The following ADCY6 variants were observed in gnomAD, a reference collection of about 807,000 sequenced individuals.
ADCY6 encodes adenylate cyclase 6, also known as adenylate cyclase type 6.
A neutral mutation model predicts 111.6 loss-of-function variants in ADCY6; 59 were observed. The ratio of observed to expected loss-of-function variants is 0.53; its 90% CI spans 0.43 to 0.66. ADCY6 has a LOEUF of 0.66. ADCY6 is among the 30% of genes least tolerant of loss of function. ADCY6 has a pLI of 0.00. For missense variants in ADCY6, 1,242 were observed against 1,595.6 expected (o/e 0.78, Z 3.78); for synonymous variants, 576 against 642.9 (o/e 0.90, Z 1.57).
At position 48,768,932 on chromosome 12, in the gene ADCY6, C is replaced by A; in HGVS notation, c.3381+5G>T. On this transcript the variant is annotated splice_donor_5th_base_variant and intron_variant, in intron 21 of 21. Coordinates refer to ENST00000357869, the MANE Select transcript of ADCY6 (RefSeq NM_015270.5). ...CCTCCCAGCCCCTGCTCATATCCCC[C>A]TCACCTGGATTCGGTCGGGGACCCC... The A allele has an allele frequency of 6.2e-7, 1 of 1,606,122 alleles. No individual in the cohort carries two copies. Among genetic ancestry groups the A allele is most frequent in the African/African-American group, 1.3e-5 (1 of 74,844 alleles).
chr12:48,778,844 T>C (rs1223597644), intron 2 of ADCY6, among the ~76,000 whole-genome samples: 1 of 151,338 alleles, frequency 6.6e-6, no homozygotes, highest in Non-Finnish European at 1.5e-5. Context: ...CAGGATTCTG[T>C]AGGTGTCTTC....
Position 48,770,946 on chromosome 12 carries a change from G to A in ADCY6, c.3076C>T (p.Gln1026Ter). 1 of 1,614,106 alleles carries A rather than the reference G, an allele frequency of 6.2e-7. No individual in the cohort carries two copies. Among genetic ancestry groups the A allele is most frequent in the Non-Finnish European group, 8.5e-7 (1 of 1,180,038 alleles). The stretch of plus-strand genomic sequence containing the variant: ...CCAATCGTCTTGATCTTTTCCAGCT[G>A]CCGGAACCGCTCCTCGCTGATAATC... ...DEIISEERFR[Q>*]LEKIKTIGST... The change falls in exon 20 of 22, where the codon CAG (glutamine) becomes TAG (stop). Residue 1026 changes from glutamine (Q) to a stop codon, truncating the protein, a stop_gained. Transcript: ENST00000357869. LOFTEE classifies it high-confidence loss of function.
chr12:48,778,184 G>C lies in ADCY6; in HGVS notation c.938C>G (p.Ser313Cys). 6.2e-7 allele frequency: 1 copy of C among 1,614,188 alleles called. No homozygotes were observed. The highest frequency in any genetic ancestry group is 1.1e-5 in the South Asian group (1 of 91,084). ...GICTHYPAEV[S>C]QRQAFQETRG... is the part of the protein sequence containing the mutation. ...GGTCTCCTGAAAGGCCTGGCGCTGA[G>C]ACACCTCTGCTGGATAGTGTGTGCA... Residue 313 changes from serine to cysteine, a missense_variant, in exon 3 of 22, where the codon TCT (serine) becomes TGT (cysteine). Ser to Cys is a moderately radical substitution (Grantham distance 112). Transcript: ENST00000357869.
At chr12:48,769,244 C>CAA in intron 20 of ADCY6, among the ~76,000 whole-genome samples, 183 bp from the exon 21 acceptor site, 1 of 146,490 alleles carries the variant, frequency 6.8e-6, no homozygotes, top group South Asian at 2.2e-4. Context: ...CCTATCTTTA[C>CAA]AAAAAAAAAA....
rs758846729 is a variant in ADCY6 at position 48,783,370 on chromosome 12, C to T, written c.65G>A (p.Arg22His). 3 of 1,614,222 alleles carry T rather than the reference C, an allele frequency of 1.9e-6. No homozygotes were observed. The highest frequency in any genetic ancestry group is 1.3e-5 in the African/African-American group (1 of 75,064). The change falls in exon 2 of 22, where the codon CGC becomes CAC. Residue 22 changes from arginine to histidine, a missense_variant. Arg to His is a conservative substitution (Grantham distance 29). Around this residue, in one of 4 missense-constraint regions of ADCY6, gnomAD observed 362 missense variants for 377.2 expected, o/e 0.96. Coordinates refer to ENST00000357869, the MANE Select transcript of ADCY6 (RefSeq NM_015270.5). The part of the protein sequence containing the change: ...VDERKTAWGE[R>H]NGQKRSRRRG... ...GCGCCGCGAACGCTTCTGCCCATTG[C>T]GTTCACCCCAGGCTGTTTTCCGTTC...
At chr12:48,775,765 C>T (rs1941680930) in intron 9 of ADCY6, 67 bp from the exon 10 acceptor site, 1 of 1,572,810 alleles carries the variant, frequency 6.4e-7, no homozygotes, top group South Asian at 1.1e-5. Flanking sequence ...CAGCTCCTTC[C>T]CCCACCCCAA....
chr12:48,775,181 C>A (rs1194483450), intron 11 of ADCY6, 122 bp downstream of exon 11: 6 of 1,492,986 alleles, frequency 4.0e-6, no homozygotes, highest in South Asian at 1.2e-5. Context: ...GAAATCCTCA[C>A]CCTGCTCTGT....
At position 48,782,263 on chromosome 12, in the gene ADCY6, C is replaced by T. The variant is rs1419112899; in HGVS notation, c.864+308G>A. Among the ~76,000 whole-genome samples the T allele has an allele frequency of 6.6e-6, 1 of 152,166 alleles. No individual in the cohort carries two copies. The highest frequency in any genetic ancestry group is 1.5e-5 in the Non-Finnish European group (1 of 68,018). On this transcript the variant is annotated intron_variant, in intron 2 of 21. Transcript: ENST00000357869. The surrounding 1 kb of genome is among the most constrained non-coding windows in gnomAD (Gnocchi z 4.3). ...CCCTGCCTCCAGCCCCACATTCTGT[C>T]TCTACAGACTGCACTATTTCAGCGG...
chr12:48,770,747 A>G lies in ADCY6; in HGVS notation c.3256+19T>C, dbSNP rs775685389. On this transcript the variant is annotated intron_variant, in intron 20 of 21. Coordinates refer to ENST00000357869, the MANE Select transcript of ADCY6 (RefSeq NM_015270.5). ...GAAAAAGTCCTGGGAAAACCCGCCAAGCAACAAAGCCCTCTTACCAATCTT... is the reference window on the plus strand; with the variant it reads ...GAAAAAGTCCTGGGAAAACCCGCCAGGCAACAAAGCCCTCTTACCAATCTT... The G allele has an allele frequency of 3.1e-6, 5 of 1,609,678 alleles. No individual in the cohort carries two copies. The Admixed American group carries it at 5.0e-5, about 16-fold the overall frequency.
At position 48,768,156 on chromosome 12, in the gene ADCY6, TTTGTACAAAATA is replaced by T. The variant is rs1285195733; in HGVS notation, c.*423_*434del. The stretch of plus-strand genomic sequence containing the variant: ...GGAATAGGCACTCCTCATGCCTGTC[TTTGTACAAAATA>T]TTGTACAAAATATTCCCAGGAAAAA... On this transcript the variant is annotated 3_prime_UTR_variant, in exon 22 of 22. Coordinates refer to ENST00000357869, the MANE Select transcript of ADCY6 (RefSeq NM_015270.5). 2 of 253,262 alleles carry T rather than the reference TTTGTACAAAATA, an allele frequency of 7.9e-6. No individual in the cohort carries two copies. The highest frequency in any genetic ancestry group is 1.6e-5 in the Non-Finnish European group (2 of 128,946). The allele number at this position is 253,262 out of a possible 1,614,324, so 15.7% of individuals were successfully genotyped here.
chr12:48,776,525 C>T lies in ADCY6; in HGVS notation c.1438G>A (p.Val480Met), dbSNP rs1210399885. ...CGCAAGCCAAGGACGCCGCAGTGCA[C>T]GCGCCCGCTGTGGATGCCCACGCGC... is the stretch of plus-strand genomic sequence containing the variant. ...NMRVGIHSGRVHCGVLGLRKW... is the reference protein window; with the variant it reads ...NMRVGIHSGRMHCGVLGLRKW... The change falls in exon 7 of 22, where the codon GTG (valine) becomes ATG (methionine). Residue 480 changes from valine to methionine, a missense_variant. Physicochemically the swap from Val to Met is conservative, Grantham distance 21 (BLOSUM62 1). This residue lies in a region of ADCY6 where 260 missense variants were observed against 414.6 expected (regional missense o/e 0.63). Coordinates refer to ENST00000357869, the MANE Select transcript of ADCY6 (RefSeq NM_015270.5). This position sits in a 1 kb window ranked among gnomAD's most constrained non-coding sequence, Gnocchi z 6.1. The T allele has an allele frequency of 4.3e-6, 7 of 1,613,910 alleles. No individual in the cohort carries two copies. The highest frequency in any genetic ancestry group is 1.7e-5 in the Admixed American group (1 of 60,020).
chr12:48,784,540 G>C (rs73296137), intron 1 of ADCY6, among the ~76,000 whole-genome samples: 2,773 of 151,976 alleles, frequency 0.018, 82 homozygotes, highest in African/African-American at 0.062. Context: ...TTCAGAACTG[G>C]GAGGAAAAGA....
intron 13 of ADCY6, 63 bp from the exon 14 acceptor site, chr12:48,774,581 G>C (rs115470130): frequency 3.2e-6 from 5 of 1,577,820 alleles, no homozygotes. Context: ...GGCAACCAGG[G>C]ATGGGGCCCA....
chr12:48,773,292 C>T (rs1314958439), intron 16 of ADCY6, among the ~76,000 whole-genome samples, 177 bp downstream of exon 16: 4 of 151,950 alleles, frequency 2.6e-5, no homozygotes, highest in Non-Finnish European at 5.9e-5. Context: ...ACTAGGGTTT[C>T]CTTGGGGGTA....
Position 48,783,325 on chromosome 12 carries a change from C to T in ADCY6, c.110G>A (p.Gly37Asp), listed in dbSNP as rs1941905622. The change falls in exon 2 of 22, where the codon GGC (glycine) becomes GAC (aspartate). Residue 37 changes from glycine to aspartate, a missense_variant. By Grantham distance (94) the Gly-to-Asp change is moderately conservative. Transcript: ENST00000357869. ...GCTCATATAGCGGGGCGTGCAGAAG[C>T]CACCTGCCCGAGTGCCACGGCGCCG... ...RSRRRGTRAG[G>D]FCTPRYMSCL... The T allele has an allele frequency of 2.5e-6, 4 of 1,613,792 alleles. No individual in the cohort carries two copies. The highest frequency in any genetic ancestry group is 3.4e-6 in the Non-Finnish European group (4 of 1,179,966).
Position 48,773,572 on chromosome 12 carries a change from C to T in ADCY6, c.2518G>A (p.Ala840Thr). 6.2e-7 allele frequency: 1 copy of T among 1,614,108 alleles called. No individual in the cohort carries two copies. Among genetic ancestry groups the T allele is most frequent in the Non-Finnish European group, 8.5e-7 (1 of 1,180,002 alleles). ...FLHISSIGKL[A>T]MIFVLGLIYL... Reference sequence around the variant, plus strand: ...ATGAGCCCCAAGACAAAGATCATGGCCAACTTCCCGATGCTGCTGATGTGC... The same window carrying T: ...ATGAGCCCCAAGACAAAGATCATGGTCAACTTCCCGATGCTGCTGATGTGC... The change falls in exon 16 of 22, where the codon GCC becomes ACC. Residue 840 changes from alanine to threonine, a missense_variant. Physicochemically the swap from Ala to Thr is moderately conservative, Grantham distance 58. Transcript: ENST00000357869.
intron 2 of ADCY6, among the ~76,000 whole-genome samples, chr12:48,781,068 C>CAT (rs1565650249): frequency 1.3e-5 from 2 of 151,890 alleles, no homozygotes; most frequent in African/African-American, 4.8e-5. Context: ...CATGGTGGCG[C>CAT]GCTCCTGTAG....
chr12:48,778,087 G>C (rs1479479482), intron 3 of ADCY6, 21 bp downstream of exon 3: 1 of 1,595,650 alleles, frequency 6.3e-7, no homozygotes. Flanking sequence ...GGCAGGCCCT[G>C]GTCACGGGGA....
chr12:48,772,530 C>T lies in ADCY6; in HGVS notation c.2635G>A (p.Glu879Lys), dbSNP rs1941578962. 6.2e-7 allele frequency: 1 copy of T among 1,614,088 alleles called. No homozygotes were observed. Among genetic ancestry groups the T allele is most frequent in the African/African-American group, 1.3e-5 (1 of 74,944 alleles). ...LGVHGLASSN[E>K]TFDGLDCPAA... Reference sequence around the variant, plus strand: ...TACCAGTCCAGCCCATCAAAGGTCTCATTGGAAGAAGCCCTGGTAAGAAGA... The same window carrying T: ...TACCAGTCCAGCCCATCAAAGGTCTTATTGGAAGAAGCCCTGGTAAGAAGA... Residue 879 changes from glutamate (E) to lysine (K), a missense_variant, in exon 17 of 22, where the codon GAG (glutamate) becomes AAG (lysine). Coordinates refer to ENST00000357869, the MANE Select transcript of ADCY6 (RefSeq NM_015270.5).
Sources: allele counts gnomAD v4.1 joint callset (sites outside exome capture counted in the v4.1 genomes callset), GRCh38; gene constraint gnomAD v4.1.1; regional missense constraint gnomAD v4.1.1; non-coding constraint Gnocchi (gnomAD v3.1); transcripts MANE v1.5; gene names NCBI Gene and HGNC (gene_info 2026-07-23, HGNC 2026-07-21).